The following KIF24 variants were observed in gnomAD, a reference collection of about 807,000 sequenced individuals.
KIF24 encodes kinesin family member 24, also known as kinesin-like protein KIF24.
A neutral mutation model predicts 118.9 loss-of-function variants in KIF24; 81 were observed. The observed-to-expected ratio is 0.68, with a 90% CI of 0.57 to 0.82. The LOEUF is 0.82. Among genes scored for constraint, KIF24 ranks in the 40% least tolerant of loss-of-function variants. The pLI, the probability that KIF24 is intolerant of heterozygous loss-of-function variation, is 0.00. For synonymous variants in KIF24, 599 were observed against 610.0 expected (o/e 0.98, Z 0.27); for missense variants, 1,560 against 1,661.6 (o/e 0.94, Z 1.06).
At chr9:34,323,424 C>T (rs1349311352) in intron 1 of KIF24, among the ~76,000 whole-genome samples, 1 of 152,192 alleles carries the variant, frequency 6.6e-6, no homozygotes. Flanking sequence ...ACCTAGTTAT[C>T]TTAAACCAGT....
In KIF24 at chr9:34,318,800, C is replaced by A; in HGVS notation, c.-25-7429G>T. ...CAACGTGACCTGGAAGCTGTGCAGT[C>A]GCCTGTAGGGACCCAGCTCAGTGAG... is the stretch of plus-strand genomic sequence containing the variant. On this transcript the variant is annotated intron_variant, in intron 1 of 12. Transcript: ENST00000402558. This position sits in a 1 kb window ranked among gnomAD's most constrained non-coding sequence, Gnocchi z 4.9. 6.4e-7 allele frequency: 1 copy of A among 1,552,712 alleles called. No individual in the cohort carries two copies. Among genetic ancestry groups the A allele is most frequent in the Non-Finnish European group, 8.9e-7 (1 of 1,127,220 alleles).
intron 8 of KIF24, among the ~76,000 whole-genome samples, chr9:34,264,638 C>T (rs759854209): frequency 6.6e-6 from 1 of 152,098 alleles, no homozygotes; most frequent in Non-Finnish European, 1.5e-5. Flanking sequence ...ATCCAGTATT[C>T]CCCAACTTTA....
chr9:34,331,051 A>C (rs1417605611), upstream of KIF24, among the ~76,000 whole-genome samples: 1 of 152,220 alleles, frequency 6.6e-6, no homozygotes, highest in East Asian at 1.9e-4. Context: ...TGAGTACCCA[A>C]TTTTGCCCAA....
intron 8 of KIF24, among the ~76,000 whole-genome samples, chr9:34,267,638 A>G (rs903454169): frequency 6.6e-6 from 1 of 152,182 alleles, no homozygotes; most frequent in Non-Finnish European, 1.5e-5. Flanking sequence ...AACTCAATAT[A>G]TCCAAAATAT....
At chr9:34,322,342 C>A (rs1221868226) in intron 1 of KIF24, among the ~76,000 whole-genome samples, 1 of 152,050 alleles carries the variant, frequency 6.6e-6, no homozygotes, top group Non-Finnish European at 1.5e-5. Flanking sequence ...TCCCCCCAAC[C>A]CATCTAGCCC....
intron 1 of KIF24, among the ~76,000 whole-genome samples, chr9:34,327,847 AAT>A (rs1491047306): frequency 2.9e-4 from 11 of 38,272 alleles, no homozygotes; most frequent in African/African-American, 5.3e-4. Context: ...ATAAAAAAAA[AAT>A]AATAATAATA....
chr9:34,321,519 T>C (rs1274194430), intron 1 of KIF24, among the ~76,000 whole-genome samples: 1 of 136,212 alleles, frequency 7.3e-6, no homozygotes, highest in African/African-American at 2.7e-5. Context: ...ACGCACCCAC[T>C]AAGTGTCTGG....
At position 34,300,134 on chromosome 9, in the gene KIF24, G is replaced by A. The variant is rs146581620; in HGVS notation, c.814-3020C>T. On this transcript the variant is annotated intron_variant, in intron 3 of 12. Coordinates refer to ENST00000402558, the MANE Select transcript of KIF24 (RefSeq NM_194313.4). ...TTGTTAGATTGTCTAAGAAGAAAGTGAGAACACAAATCCAAATCTACAAGT... is the reference window on the plus strand; with the variant it reads ...TTGTTAGATTGTCTAAGAAGAAAGTAAGAACACAAATCCAAATCTACAAGT... Among the ~76,000 whole-genome samples, 17 of 152,166 alleles carry A rather than the reference G, an allele frequency of 1.1e-4. No individual in the cohort carries two copies. The East Asian group carries it at 3.3e-3, about 29-fold the overall frequency.
chr9:34,289,721 G>A (rs1587942449), intron 5 of KIF24, among the ~76,000 whole-genome samples: 1 of 152,262 alleles, frequency 6.6e-6, no homozygotes, highest in Middle Eastern at 3.4e-3. Context: ...ACTCTAAAGA[G>A]AAGATTTTCT....
chr9:34,296,731 CTT>C (rs34607399), intron 4 of KIF24, among the ~76,000 whole-genome samples: 6 of 150,078 alleles, frequency 4.0e-5, no homozygotes, highest in Non-Finnish European at 7.4e-5. Flanking sequence ...CTTAATTTTT[CTT>C]TTTTTTTTAA....
chr9:34,319,267 C>A (rs1006248155), intron 1 of KIF24: 3 of 1,186,320 alleles, frequency 2.5e-6, no homozygotes, highest in Non-Finnish European at 3.8e-6. Context: ...AACCAAAGAG[C>A]AGCTGAAGAT....
chr9:34,320,709 C>T (rs1837493176), intron 1 of KIF24, among the ~76,000 whole-genome samples: 1 of 135,588 alleles, frequency 7.4e-6, no homozygotes, highest in Non-Finnish European at 1.6e-5. Context: ...CTATAACCTA[C>T]AAATAGCTAC....
At chr9:34,270,291 C>G (rs895473220) in intron 7 of KIF24, among the ~76,000 whole-genome samples, 5 of 151,390 alleles carry the variant, frequency 3.3e-5, no homozygotes, top group African/African-American at 1.2e-4. Flanking sequence ...CTGAGGCGGG[C>G]GGATCATGAG....
chr9:34,286,079 A>T (rs1836039932), intron 6 of KIF24, among the ~76,000 whole-genome samples: 1 of 152,042 alleles, frequency 6.6e-6, no homozygotes, highest in Admixed American at 6.6e-5. Context: ...CACGGCTGTA[A>T]TCCCAGCACT....
chr9:34,255,523 T>C (rs1439903305), intron 11 of KIF24, among the ~76,000 whole-genome samples: 1 of 152,192 alleles, frequency 6.6e-6, no homozygotes, highest in Non-Finnish European at 1.5e-5. Flanking sequence ...GCAACTGGCA[T>C]ACTTGGCACA....
At chr9:34,285,870 G>T (rs570907530) in intron 6 of KIF24, among the ~76,000 whole-genome samples, 4 of 148,816 alleles carry the variant, frequency 2.7e-5, no homozygotes, top group Non-Finnish European at 5.9e-5. Context: ...GGGAGGCTGC[G>T]GTGAGCTATG....
intron 1 of KIF24, among the ~76,000 whole-genome samples, chr9:34,314,563 G>A (rs1158433151): frequency 6.6e-6 from 1 of 152,144 alleles, no homozygotes; most frequent in Non-Finnish European, 1.5e-5. Context: ...TTTTAGGAAA[G>A]GCAGACATAA....
intron 2 of KIF24, among the ~76,000 whole-genome samples, chr9:34,310,308 T>A (rs1409558228): frequency 6.6e-5 from 10 of 152,216 alleles, no homozygotes; most frequent in Admixed American, 6.5e-4. Context: ...AAAGCATCTT[T>A]AAGTCTCCTG....
At position 34,290,218 on chromosome 9, in the gene KIF24, T is replaced by G. The variant is rs1252037473; in HGVS notation, c.1083A>C (p.Glu361Asp). 3 of 1,613,868 alleles carry G rather than the reference T, an allele frequency of 1.9e-6. No homozygotes were observed. The highest frequency in any genetic ancestry group is 1.1e-5 in the South Asian group (1 of 91,076). ...GGTCATAAAGCTGTCCACAGTAAATTTCATAGAAGCTGATCCACACAAAGA... is the reference window on the plus strand; with the variant it reads ...GGTCATAAAGCTGTCCACAGTAAATGTCATAGAAGCTGATCCACACAAAGA... ...KHLFVWISFY[E>D]IYCGQLYDLL... The change falls in exon 5 of 13, where the codon GAA (glutamate) becomes GAC (aspartate). Residue 361 changes from glutamate to aspartate, a missense_variant. Around this residue, in one of 3 missense-constraint regions of KIF24, gnomAD observed 964 missense variants for 988.0 expected, o/e 0.98. Coordinates refer to ENST00000402558, the MANE Select transcript of KIF24 (RefSeq NM_194313.4).
Sources: allele counts gnomAD v4.1 joint callset (sites outside exome capture counted in the v4.1 genomes callset), GRCh38; gene constraint gnomAD v4.1.1; regional missense constraint gnomAD v4.1.1; non-coding constraint Gnocchi (gnomAD v3.1); transcripts MANE v1.5; gene names NCBI Gene and HGNC (gene_info 2026-07-23, HGNC 2026-07-21).